The following NPS variants were observed in gnomAD, a reference collection of about 807,000 sequenced individuals.
The protein encoded by NPS is neuropeptide S, also known as prepro-neuropeptide S.
Under a neutral mutation model 7.2 loss-of-function variants are expected in NPS, and 6 were observed. The ratio of observed to expected loss-of-function variants is 0.83; its 90% CI spans 0.46 to 1.64. The LOEUF (loss-of-function observed/expected upper bound fraction) is 1.64, where lower values mean the gene tolerates loss of function less well. Among genes scored for constraint, NPS ranks in the 40% most tolerant of loss-of-function variants. The pLI is 0.01. For missense variants in NPS, 123 were observed against 97.8 expected (o/e 1.26, Z -1.09); for synonymous variants, 42 against 36.7 (o/e 1.14, Z -0.52).
Position 127,552,638 on chromosome 10 carries a change from G to T in NPS, c.269G>T (p.Ter90LeuextTer17). 6.2e-7 allele frequency: 1 copy of T among 1,606,066 alleles called. No individual in the cohort carries two copies. The highest frequency in any genetic ancestry group is 1.1e-5 in the South Asian group (1 of 90,800). The change falls in exon 3 of 3, where the codon TGA becomes TTA. Residue 90 changes from the stop codon to leucine (L), a stop_lost. Coordinates refer to ENST00000398023, the MANE Select transcript of NPS (RefSeq NM_001030013.2). ...KKTSFQRAKS[*>L] ...ACTTCCTTTCAAAGAGCAAAATCAT[G>T]ACTAAGTGTGCAAAGGACTCGGGGA...
intron 2 of NPS, among the ~76,000 whole-genome samples, chr10:127,551,928 C>T (rs954136285): frequency 8.5e-5 from 13 of 152,118 alleles, no homozygotes; most frequent in East Asian, 5.8e-4. Flanking sequence ...CACCACTAAG[C>T]ACCCTACACT....
At chr10:127,551,449 G>A (rs1436055131) in intron 2 of NPS, among the ~76,000 whole-genome samples, 1 of 152,142 alleles carries the variant, frequency 6.6e-6, no homozygotes, top group African/African-American at 2.4e-5. Context: ...AAAAAAGTAT[G>A]AGTTTTACCT....
chr10:127,552,625 A>G lies in NPS; in HGVS notation c.256A>G (p.Arg86Gly), dbSNP rs79477530. Residue 86 changes from arginine (R) to glycine (G), a missense_variant, in exon 3 of 3, where the codon AGA (arginine) becomes GGA (glycine). By Grantham distance (125) the Arg-to-Gly change is moderately radical. Coordinates refer to ENST00000398023, the MANE Select transcript of NPS (RefSeq NM_001030013.2). ...GTGMKKTSFQ[R>G]AKS ...AGGGATGAAAAAAACTTCCTTTCAA[A>G]GAGCAAAATCATGACTAAGTGTGCA... 2,062 of 1,612,138 alleles carry G rather than the reference A, an allele frequency of 1.3e-3. 24 individuals are homozygous for G. In the African/African-American group the frequency reaches 0.024, roughly 19 times the overall value.
At chr10:127,549,971 AG>A (rs1844843118) in intron 2 of NPS, among the ~76,000 whole-genome samples, 1 of 152,226 alleles carries the variant, frequency 6.6e-6, no homozygotes, top group African/African-American at 2.4e-5. Flanking sequence ...TGCAGAATAT[AG>A]ATAAAACGTT....
chr10:127,550,501 A>T (rs1231502693), intron 2 of NPS, among the ~76,000 whole-genome samples: 1 of 152,168 alleles, frequency 6.6e-6, no homozygotes, highest in Non-Finnish European at 1.5e-5. Flanking sequence ...GATGAGTCAC[A>T]ATCCATATAC....
At position 127,552,842 on chromosome 10, in the gene NPS, TGAGAGAAAAAAC is replaced by T. The variant is rs1463030035; in HGVS notation, c.*204_*215del. Among the ~76,000 whole-genome samples, 3 of 152,166 alleles carry T rather than the reference TGAGAGAAAAAAC, an allele frequency of 2.0e-5. No individual in the cohort carries two copies. Among genetic ancestry groups the T allele is most frequent in the African/African-American group, 7.2e-5 (3 of 41,442 alleles). ...CAAACCTGTCTCAAACTTCCACTTG[TGAGAGAAAAAAC>T]AATTTATGTGGTCCATTAGTAACTT... On this transcript the variant is annotated 3_prime_UTR_variant, in exon 3 of 3. Coordinates refer to ENST00000398023, the MANE Select transcript of NPS (RefSeq NM_001030013.2).
chr10:127,552,417 C>T (rs749478643), intron 2 of NPS, 43 bp from the exon 3 acceptor site: 1 of 1,144,392 alleles, frequency 8.7e-7, no homozygotes. Context: ...ACTTTTAACC[C>T]TAAGGCTGTA....
chr10:127,552,471 A>T lies in NPS; in HGVS notation c.102A>T (p.Lys34Asn). ...YPVPSSKVSG[K>N]SDYFLILLNS... ...ATCTGAATTGCCAGGTGTCTGGAAAATCTGATTACTTTCTCATTCTGCTGA... is the reference window on the plus strand; with the variant it reads ...ATCTGAATTGCCAGGTGTCTGGAAATTCTGATTACTTTCTCATTCTGCTGA... The change falls in exon 3 of 3, where the codon AAA becomes AAT. Residue 34 changes from lysine to asparagine, a missense_variant. Coordinates refer to ENST00000398023, the MANE Select transcript of NPS (RefSeq NM_001030013.2). 1 of 1,605,682 alleles carries T rather than the reference A, an allele frequency of 6.2e-7. No homozygotes were observed. The highest frequency in any genetic ancestry group is 1.3e-5 in the African/African-American group (1 of 74,858).
Position 127,553,399 on chromosome 10 carries a change from G to T in NPS, c.*760G>T, listed in dbSNP as rs1207078651. Among the ~76,000 whole-genome samples, 1 of 152,120 alleles carries T rather than the reference G, an allele frequency of 6.6e-6. No homozygotes were observed. Among genetic ancestry groups the T allele is most frequent in the Non-Finnish European group, 1.5e-5 (1 of 68,032 alleles). ...TGTTCCCCAAACTATGCTGATTAATGCCCTCTCCTTTCCCCCATCCTTCCA... is the reference window on the plus strand; with the variant it reads ...TGTTCCCCAAACTATGCTGATTAATTCCCTCTCCTTTCCCCCATCCTTCCA... On this transcript the variant is annotated 3_prime_UTR_variant, in exon 3 of 3. Coordinates refer to ENST00000398023, the MANE Select transcript of NPS (RefSeq NM_001030013.2).
In NPS at chr10:127,552,522, G is replaced by T. The variant is rs1844867124; in HGVS notation, c.153G>T (p.Arg51Ser). ...ACAGCTGCCCAACCAGATTGGACAG[G>T]AGCAAAGAACTAGCTTTTCTAAAGC... ...LLNSCPTRLD[R>S]SKELAFLKPI... Residue 51 changes from arginine to serine, a missense_variant, in exon 3 of 3, where the codon AGG becomes AGT. Transcript: ENST00000398023. The T allele has an allele frequency of 2.5e-6, 4 of 1,612,316 alleles. No homozygotes were observed. Among genetic ancestry groups the T allele is most frequent in the Non-Finnish European group, 3.4e-6 (4 of 1,178,522 alleles).
At chr10:127,550,300 C>T (rs1422690108) in intron 2 of NPS, among the ~76,000 whole-genome samples, 1 of 152,048 alleles carries the variant, frequency 6.6e-6, no homozygotes, top group Non-Finnish European at 1.5e-5. Flanking sequence ...TCGCATAAAT[C>T]CTAAGTGATA....
Position 127,552,997 on chromosome 10 carries a change from G to A in NPS, c.*358G>A, listed in dbSNP as rs1316785328. On this transcript the variant is annotated 3_prime_UTR_variant, in exon 3 of 3. Coordinates refer to ENST00000398023, the MANE Select transcript of NPS (RefSeq NM_001030013.2). Reference sequence around the variant, plus strand: ...TTTCCTGCCTGTAATATCATAACACGAATACTGTGATATTTGTTTTTCTTT... The same window carrying A: ...TTTCCTGCCTGTAATATCATAACACAAATACTGTGATATTTGTTTTTCTTT... Among the ~76,000 whole-genome samples, 2 of 151,654 alleles carry A rather than the reference G, an allele frequency of 1.3e-5. No individual in the cohort carries two copies. The highest frequency in any genetic ancestry group is 1.9e-4 in the East Asian group (1 of 5,176).
intron 2 of NPS, 71 bp downstream of exon 2, chr10:127,549,641 C>A (rs1844840008): frequency 3.2e-6 from 3 of 932,060 alleles, no homozygotes; most frequent in South Asian, 2.8e-5. Flanking sequence ...ATTCCAAATA[C>A]TTTCAAGGAA....
chr10:127,550,607 A>G (rs72845549), intron 2 of NPS, among the ~76,000 whole-genome samples: 13,383 of 152,256 alleles, frequency 0.088, 762 homozygotes, highest in Non-Finnish European at 0.14. Flanking sequence ...TCTTCTCTGT[A>G]GCTTTTTTAA....
In NPS at chr10:127,549,472, T is replaced by C. The variant is rs771328096; in HGVS notation, c.9-17T>C. The C allele has an allele frequency of 1.3e-5, 21 of 1,603,020 alleles. No homozygotes were observed. The highest frequency in any genetic ancestry group is 1.6e-4 in the Middle Eastern group (1 of 6,062). On this transcript the variant is annotated splice_polypyrimidine_tract_variant and intron_variant, in intron 1 of 2. Coordinates refer to ENST00000398023, the MANE Select transcript of NPS (RefSeq NM_001030013.2). ...CTTGAGACTAAATCTTGATTGTACT[T>C]TTTTTCTACTTTGCAGCTCAGTAAA...
chr10:127,551,521 G>A (rs1844858840), intron 2 of NPS, among the ~76,000 whole-genome samples: 1 of 152,084 alleles, frequency 6.6e-6, no homozygotes, highest in Non-Finnish European at 1.5e-5. Context: ...TGTAGTTCTA[G>A]TATAGTTGAG....
chr10:127,553,312 G>A lies in NPS; in HGVS notation c.*673G>A, dbSNP rs1021850509. 6.6e-6 allele frequency among the ~76,000 whole-genome samples: 1 copy of A among 152,120 alleles called. No individual in the cohort carries two copies. The highest frequency in any genetic ancestry group is 1.5e-5 in the Non-Finnish European group (1 of 68,026). ...ATCTTTAAGCACAGAAATGCTGCCA[G>A]TAACAACAACAACAGAGAGACTGAG... On this transcript the variant is annotated 3_prime_UTR_variant, in exon 3 of 3. Coordinates refer to ENST00000398023, the MANE Select transcript of NPS (RefSeq NM_001030013.2).
intron 2 of NPS, among the ~76,000 whole-genome samples, chr10:127,549,965 G>C (rs1844843088): frequency 6.6e-6 from 1 of 152,070 alleles, no homozygotes; most frequent in African/African-American, 2.4e-5. Context: ...TTCAGATGCA[G>C]AATATAGATA....
Position 127,552,576 on chromosome 10 carries a change from G to A in NPS, c.207G>A (p.Arg69=), listed in dbSNP as rs756167252. 8 of 1,613,484 alleles carry A rather than the reference G, an allele frequency of 5.0e-6. No individual in the cohort carries two copies. In the South Asian group the frequency reaches 8.8e-5, roughly 18 times the overall value. ...KPILEKMFVK[R]SFRNGVGTGM... is the part of the protein sequence containing the mutation. ...TTTTGGAGAAGATGTTTGTGAAAAG[G>A]TCCTTTCGCAATGGAGTTGGCACAG... The change falls in exon 3 of 3, where the codon AGG becomes AGA. Residue 69 remains arginine (R), a synonymous_variant. Transcript: ENST00000398023.
Sources: allele counts gnomAD v4.1 joint callset (sites outside exome capture counted in the v4.1 genomes callset), GRCh38; gene constraint gnomAD v4.1.1; transcripts MANE v1.5; gene names NCBI Gene and HGNC (gene_info 2026-07-23, HGNC 2026-07-21).